ADCY3: variants seen among roughly 807,000 people sequenced by gnomAD.
ADCY3 encodes adenylate cyclase 3.
In ADCY3, 70 loss-of-function variants were observed where a neutral mutation model predicts 119.4. The observed-to-expected ratio is 0.59, with a 90% CI of 0.48 to 0.72. ADCY3 has a LOEUF of 0.72. Ranked by LOEUF, ADCY3 falls within the 30% of genes least tolerant of loss-of-function variation. The pLI is 0.00. For synonymous variants in ADCY3, 672 were observed against 621.4 expected, an observed-to-expected ratio of 1.08 and a Z score of -1.21; for missense variants, 1,238 against 1,541.6, an observed-to-expected ratio of 0.80 and a Z score of 3.30.
chr2:24,823,147 T>C, intron 18 of ADCY3, 62 bp downstream of exon 18: 1 of 1,562,384 alleles, frequency 6.4e-7, no homozygotes, highest in South Asian at 1.2e-5. Context: ...CAGCCTATTG[T>C]AGGATGTGAT....
At chr2:24,858,200 G>T (rs543820079) in intron 3 of ADCY3, among the ~76,000 whole-genome samples, 1 of 149,684 alleles carries the variant, frequency 6.7e-6, no homozygotes, top group East Asian at 1.9e-4. Context: ...ATAAGGTCTT[G>T]CCATGTCTGG....
At chr2:24,912,964 C>T (rs1558529518) in intron 2 of ADCY3, among the ~76,000 whole-genome samples, 1 of 152,204 alleles carries the variant, frequency 6.6e-6, no homozygotes, top group Non-Finnish European at 1.5e-5. Flanking sequence ...TCACATGCAG[C>T]TGAATCTGAT....
chr2:24,822,399 T>C, intron 19 of ADCY3, 112 bp downstream of exon 19: 1 of 1,428,654 alleles, frequency 7.0e-7, no homozygotes, highest in Middle Eastern at 2.5e-4. Context: ...TGGTGGTGTG[T>C]GTCTGGGACC....
chr2:24,820,358 G>A, intron 21 of ADCY3: 3 of 1,326,308 alleles, frequency 2.3e-6, no homozygotes, highest in Non-Finnish European at 2.9e-6. Context: ...GGATGGCCAT[G>A]GTCACCTGGG....
intron 2 of ADCY3, among the ~76,000 whole-genome samples, chr2:24,889,741 C>T (rs1370366206): frequency 1.3e-5 from 2 of 152,256 alleles, no homozygotes; most frequent in African/African-American, 4.8e-5. Context: ...GAGGCTGAGG[C>T]AGGAGAATCG....
intron 3 of ADCY3, among the ~76,000 whole-genome samples, chr2:24,870,955 G>A (rs1674927021): frequency 6.6e-6 from 1 of 152,144 alleles, no homozygotes; most frequent in South Asian, 2.1e-4. Context: ...ACAGCCCCAG[G>A]GTGAAACACA....
Position 24,918,958 on chromosome 2 carries a change from G to A in ADCY3, c.30C>T (p.Pro10=), listed in dbSNP as rs1352181476. The A allele has an allele frequency of 2.5e-6, 4 of 1,600,286 alleles. No individual in the cohort carries two copies. Among genetic ancestry groups the A allele is most frequent in the East Asian group, 4.5e-5 (2 of 44,240 alleles). Residue 10 remains proline (P), a synonymous_variant, in exon 2 of 22, where the codon CCC becomes CCT. Transcript: ENST00000679454. The surrounding 1 kb of genome is among the most constrained non-coding windows in gnomAD (Gnocchi z 5.4). ...CGGCTGAGTACTCGGCCGAGTATTC[G>A]GGCTCGGAGAAGCCCTGGTTCCTCG... MPRNQGFSE[P]EYSAEYSAEY... is the part of the protein sequence containing the mutation.
chr2:24,820,466 A>G (rs963098562), intron 21 of ADCY3: 18 of 1,344,168 alleles, frequency 1.3e-5, no homozygotes, highest in Non-Finnish European at 1.7e-5. Flanking sequence ...GACAGATCAC[A>G]AGGTATTAGA....
Position 24,834,517 on chromosome 2 carries a change from G to T in ADCY3, c.1935C>A (p.Cys645Ter). 1 of 1,613,492 alleles carries T rather than the reference G, an allele frequency of 6.2e-7. No individual in the cohort carries two copies. The highest frequency in any genetic ancestry group is 8.5e-7 in the Non-Finnish European group (1 of 1,179,986). The change falls in exon 11 of 22, where the codon TGC (cysteine) becomes TGA (stop). Residue 645 changes from cysteine (C) to a stop codon, truncating the protein, a stop_gained. Coordinates refer to ENST00000679454, the MANE Select transcript of ADCY3 (RefSeq NM_004036.5). LOFTEE classifies it high-confidence loss of function. The surrounding 1 kb of genome is among the most constrained non-coding windows in gnomAD (Gnocchi z 4.2). ...CGATGAGTATCTCGACCAGGGCCGT[G>T]CAGAGCAGGACGACGCAGGAGCAGC... ...AFSCSCVVLL[C>*]TALVEILIDP...
intron 2 of ADCY3, among the ~76,000 whole-genome samples, chr2:24,897,979 C>T (rs1678477619): frequency 6.6e-6 from 1 of 152,190 alleles, no homozygotes; most frequent in Non-Finnish European, 1.5e-5. Flanking sequence ...CTTTCAATGG[C>T]TGTCCACTGT....
intron 2 of ADCY3, among the ~76,000 whole-genome samples, chr2:24,909,068 A>G (rs1663260313): frequency 6.6e-6 from 1 of 152,198 alleles, no homozygotes; most frequent in African/African-American, 2.4e-5. Context: ...TCTTGAGTAC[A>G]AGGTCTGGTA....
chr2:24,855,388 G>C (rs1219372039), intron 3 of ADCY3, among the ~76,000 whole-genome samples: 1 of 152,222 alleles, frequency 6.6e-6, no homozygotes, highest in Non-Finnish European at 1.5e-5. Flanking sequence ...TGCCCTGAGA[G>C]GTGGTGAACT....
At chr2:24,820,274 C>G (rs558434136) in intron 21 of ADCY3, 160 bp from the exon 22 acceptor site, 1 of 1,226,100 alleles carries the variant, frequency 8.2e-7, no homozygotes, top group East Asian at 2.9e-5. Flanking sequence ...CCACCCGTGG[C>G]GAGCAGCGGG....
chr2:24,852,122 G>A (rs1672371564), intron 3 of ADCY3, among the ~76,000 whole-genome samples: 1 of 152,166 alleles, frequency 6.6e-6, no homozygotes, highest in Non-Finnish European at 1.5e-5. Flanking sequence ...CCCTCCCCAG[G>A]GCTCCATGCC....
chr2:24,827,430 G>A (rs879847150), intron 15 of ADCY3, 116 bp downstream of exon 15: 45 of 1,108,300 alleles, frequency 4.1e-5, no homozygotes, highest in Admixed American at 8.1e-5. Flanking sequence ...TAACCTGCAC[G>A]TATCAGGTCA....
intron 2 of ADCY3, among the ~76,000 whole-genome samples, chr2:24,909,620 C>T (rs146808058): frequency 6.6e-6 from 1 of 152,270 alleles, no homozygotes; most frequent in East Asian, 1.9e-4. Context: ...TGTATTGGAT[C>T]CTACAGAGAA....
rs73923431 is a variant in ADCY3 at position 24,821,054 on chromosome 2, C to G, written c.3128-206G>C. 2.3e-3 allele frequency: 1,524 copies of G among 654,348 alleles called. 17 individuals are homozygous for G. The highest frequency in any genetic ancestry group is 0.02 in the African/African-American group (1,110 of 54,234). 40.5% of individuals were successfully genotyped at this position (654,348 alleles called of 1,614,324 possible). The stretch of plus-strand genomic sequence containing the variant: ...TGTTAGGTGTCAGCCGCCACCCCCC[C>G]CCCATATGCAGATTTACTCGGCATG... On this transcript the variant is annotated intron_variant, in intron 20 of 21. Transcript: ENST00000679454.
At chr2:24,854,926 T>C (rs1290647853) in intron 3 of ADCY3, among the ~76,000 whole-genome samples, 1 of 152,072 alleles carries the variant, frequency 6.6e-6, no homozygotes, top group Non-Finnish European at 1.5e-5. Context: ...GGCGGGCACC[T>C]GTAATACCAG....
chr2:24,912,705 G>A (rs994706740), intron 2 of ADCY3, among the ~76,000 whole-genome samples: 3 of 151,928 alleles, frequency 2.0e-5, no homozygotes, highest in African/African-American at 7.3e-5. Context: ...AGAAAAACTC[G>A]CTGACTATAA....
Sources: allele counts gnomAD v4.1 joint callset (sites outside exome capture counted in the v4.1 genomes callset), GRCh38; gene constraint gnomAD v4.1.1; non-coding constraint Gnocchi (gnomAD v3.1); transcripts MANE v1.5; gene names NCBI Gene and HGNC (gene_info 2026-07-23, HGNC 2026-07-21).